CTSB: variants seen among roughly 807,000 people sequenced by gnomAD.
The protein encoded by CTSB is cathepsin B, also known as APP secretase.
CTSB carries 57 observed loss-of-function variants against 44.3 expected under a neutral mutation model. That is an observed-to-expected ratio of 1.29 (90% CI 1.04 to 1.60). The LOEUF (loss-of-function observed/expected upper bound fraction) is 1.60, where lower values mean the gene tolerates loss of function less well. CTSB is among the 40% of genes most tolerant of loss of function. The pLI is 0.00. For missense variants in CTSB, 768 were observed against 443.0 expected (o/e 1.73, Z -6.59); for synonymous variants, 320 against 168.0 (o/e 1.91, Z -7.00).
chr8:11,867,091 T>C (rs769137738), intron 1 of CTSB, among the ~76,000 whole-genome samples: 8 of 152,098 alleles, frequency 5.3e-5, no homozygotes, highest in Admixed American at 1.3e-4. Flanking sequence ...GCCAGCCTGC[T>C]GGCTTTCTCA....
intron 8 of CTSB, 96 bp from the exon 9 acceptor site, chr8:11,845,885 A>T: frequency 7.1e-7 from 1 of 1,418,428 alleles, no homozygotes; most frequent in Non-Finnish European, 9.3e-7. Context: ...CGGGAAGGAG[A>T]AACAGCTTCC....
chr8:11,848,972 G>A (rs1265390410), intron 5 of CTSB, 74 bp downstream of exon 5: 18 of 1,112,296 alleles, frequency 1.6e-5, no homozygotes, highest in South Asian at 7.8e-5. Context: ...AGTCCTCAAA[G>A]TCCCCTCCAC....
chr8:11,853,811 G>C, intron 1 of CTSB: 1 of 209,666 alleles, frequency 4.8e-6, no homozygotes, highest in Non-Finnish European at 9.7e-6. Context: ...TTTCCCAAGT[G>C]AGTGATATGA....
intron 7 of CTSB, 92 bp from the exon 8 acceptor site, chr8:11,847,260 C>T (rs1181633694): frequency 4.8e-6 from 4 of 826,570 alleles, no homozygotes; most frequent in East Asian, 2.4e-5. Context: ...CTGGTGGCCT[C>T]CAGGGGAAGA....
chr8:11,858,235 A>C (rs1435182865), intron 1 of CTSB, among the ~76,000 whole-genome samples: 3 of 152,234 alleles, frequency 2.0e-5, no homozygotes, highest in Admixed American at 6.5e-5. Flanking sequence ...CTCTCAGTTC[A>C]CACTAAACCT....
chr8:11,848,286 C>G (rs1343625211), intron 5 of CTSB, 134 bp from the exon 6 acceptor site: 1 of 767,180 alleles, frequency 1.3e-6, no homozygotes, highest in Non-Finnish European at 2.3e-6. Context: ...AGCAGACCTC[C>G]CAGACCCCAA....
rs770003773 is a variant in CTSB at position 11,844,168 on chromosome 8, C to T, written c.*957G>A. The T allele has an allele frequency of 6.6e-6, 1 of 152,256 alleles. No homozygotes were observed. The highest frequency in any genetic ancestry group is 2.4e-5 in the African/African-American group (1 of 41,456). The allele number at this position is 152,256 out of a possible 1,614,324, so 9.4% of individuals were successfully genotyped here. On this transcript the variant is annotated 3_prime_UTR_variant, in exon 10 of 10. Transcript: ENST00000353047. ...GGGGGAGGGATGCCATGGTTGAAAA[C>T]ATGGCTGGGGCAGCGAGAAGTTAAG...
At chr8:11,865,922 G>C (rs182850054) in intron 1 of CTSB, among the ~76,000 whole-genome samples, 147 of 148,492 alleles carry the variant, frequency 9.9e-4, no homozygotes, top group African/African-American at 3.5e-3. Flanking sequence ...GGGAGGCTGA[G>C]ACAGGAGAAT....
intron 1 of CTSB, among the ~76,000 whole-genome samples, chr8:11,864,658 TAAA>T (rs2150456954): frequency 6.6e-6 from 1 of 152,118 alleles, no homozygotes; most frequent in East Asian, 1.9e-4. Flanking sequence ...AGAGATTAGT[TAAA>T]AGTCTAAACA....
Position 11,845,007 on chromosome 8 carries a change from T to G in CTSB, c.*118A>C. Reference sequence around the variant, plus strand: ...CTCCTTGGAAGACAGGTCTGATGTTTGGCCAATCCAGTCCTTCAGACCCTG... The same window carrying G: ...CTCCTTGGAAGACAGGTCTGATGTTGGGCCAATCCAGTCCTTCAGACCCTG... On this transcript the variant is annotated 3_prime_UTR_variant, in exon 10 of 10. Transcript: ENST00000353047. The G allele has an allele frequency of 2.9e-6, 2 of 701,518 alleles. No individual in the cohort carries two copies. Among genetic ancestry groups the G allele is most frequent in the Non-Finnish European group, 5.0e-6 (2 of 402,434 alleles). The allele number at this position is 701,518 out of a possible 1,614,324, so 43.5% of individuals were successfully genotyped here.
rs753974363 is a variant in CTSB at position 11,845,092 on chromosome 8, C to G, written c.*33G>C. 2 of 1,418,056 alleles carry G rather than the reference C, an allele frequency of 1.4e-6. No individual in the cohort carries two copies. Among genetic ancestry groups the G allele is most frequent in the Middle Eastern group, 1.8e-4 (1 of 5,708 alleles). 87.8% of individuals were successfully genotyped at this position (1,418,056 alleles called of 1,614,324 possible). A position where few individuals can be genotyped will look rare whatever the true frequency, so the allele number is the denominator to read the frequency against. ...AAAATGCATTTCTACCCCGATCTCG[C>G]CCCCAGGACTGGCACGACAGGCCCA... is the stretch of plus-strand genomic sequence containing the variant. On this transcript the variant is annotated 3_prime_UTR_variant, in exon 10 of 10. Coordinates refer to ENST00000353047, the MANE Select transcript of CTSB (RefSeq NM_001908.5).
chr8:11,845,059 T>G lies in CTSB; in HGVS notation c.*66A>C, dbSNP rs1450114887. The G allele has an allele frequency of 9.1e-7, 1 of 1,095,084 alleles. No individual in the cohort carries two copies. The highest frequency in any genetic ancestry group is 1.5e-5 in the African/African-American group (1 of 64,648). 67.8% of individuals were successfully genotyped at this position (1,095,084 alleles called of 1,614,324 possible). A position where few individuals can be genotyped will look rare whatever the true frequency, so the allele number is the denominator to read the frequency against. On this transcript the variant is annotated 3_prime_UTR_variant, in exon 10 of 10. Transcript: ENST00000353047. ...CTGAAACTTGTATCTTACGTGAACTTAAAGAATAAAATGCATTTCTACCCC... is the reference window on the plus strand; with the variant it reads ...CTGAAACTTGTATCTTACGTGAACTGAAAGAATAAAATGCATTTCTACCCC...
intron 7 of CTSB, 47 bp from the exon 8 acceptor site, chr8:11,847,215 C>G (rs1165294750): frequency 8.3e-7 from 1 of 1,206,560 alleles, no homozygotes; most frequent in African/African-American, 1.5e-5. Flanking sequence ...GTGACCGTGC[C>G]TCGTGGCACG....
rs531353938 is a variant in CTSB at position 11,855,696 on chromosome 8, T to C, written c.-25-2217A>G. Among the ~76,000 whole-genome samples the C allele has an allele frequency of 5.8e-4, 88 of 152,130 alleles. 3 individuals are homozygous for C. In the South Asian group the frequency reaches 0.017, roughly 30 times the overall value. On this transcript the variant is annotated intron_variant, in intron 1 of 9. Coordinates refer to ENST00000353047, the MANE Select transcript of CTSB (RefSeq NM_001908.5). ...AGTCAGAAAAATGGAACCAGCATAATAGAAAAACTACAAATGGCCAACACA... is the reference window on the plus strand; with the variant it reads ...AGTCAGAAAAATGGAACCAGCATAACAGAAAAACTACAAATGGCCAACACA...
chr8:11,845,984 C>CA (rs1290977283), intron 8 of CTSB, among the ~76,000 whole-genome samples, 195 bp from the exon 9 acceptor site: 4 of 152,140 alleles, frequency 2.6e-5, no homozygotes, highest in African/African-American at 7.2e-5. Flanking sequence ...CCAACACACT[C>CA]AAAGTTGTTG....
intron 1 of CTSB, 200 bp from the exon 2 acceptor site, chr8:11,853,679 G>C: frequency 1.9e-6 from 1 of 513,736 alleles, no homozygotes; most frequent in Non-Finnish European, 3.4e-6. Context: ...GGGTCCCCGG[G>C]GGCCAGGCGG....
intron 1 of CTSB, among the ~76,000 whole-genome samples, chr8:11,855,533 G>A (rs1815359085): frequency 6.6e-6 from 1 of 152,142 alleles, no homozygotes; most frequent in Admixed American, 6.5e-5. Flanking sequence ...CTGGAGGAAA[G>A]CTTAGGATTG....
At chr8:11,852,192 G>A (rs1369926763) in intron 3 of CTSB, among the ~76,000 whole-genome samples, 2 of 152,122 alleles carry the variant, frequency 1.3e-5, no homozygotes, top group African/African-American at 2.4e-5. Flanking sequence ...CCAGTATGGC[G>A]AAACCCAGTC....
chr8:11,863,977 A>G (rs1816765573), intron 1 of CTSB, among the ~76,000 whole-genome samples: 1 of 152,202 alleles, frequency 6.6e-6, no homozygotes, highest in Non-Finnish European at 1.5e-5. Context: ...TATTTATTGT[A>G]GCATGGGATA....
Sources: allele counts gnomAD v4.1 joint callset (sites outside exome capture counted in the v4.1 genomes callset), GRCh38; gene constraint gnomAD v4.1.1; transcripts MANE v1.5; gene names NCBI Gene and HGNC (gene_info 2026-07-23, HGNC 2026-07-21).